The following ME1 variants were observed in gnomAD, a reference collection of about 807,000 sequenced individuals.
The protein encoded by ME1 is NADP-dependent malic enzyme.
A neutral mutation model predicts 66.4 loss-of-function variants in ME1; 74 were observed. The observed-to-expected ratio is 1.11, with a 90% CI of 0.92 to 1.35. The LOEUF (loss-of-function observed/expected upper bound fraction) is 1.35. Ranked by LOEUF, ME1 falls within the 40% of genes most tolerant of loss-of-function variation. The probability of loss-of-function intolerance (pLI) is 0.00; values close to 1 mark genes in which losing one functional copy is unlikely to be tolerated. For synonymous variants in ME1, 251 were observed against 235.6 expected, an observed-to-expected ratio of 1.07 and a Z score of -0.60; for missense variants, 750 against 694.1, an observed-to-expected ratio of 1.08 and a Z score of -0.90.
chr6:83,228,217 A>G (rs761623889), intron 10 of ME1, among the ~76,000 whole-genome samples: 1 of 152,210 alleles, frequency 6.6e-6, no homozygotes, highest in African/African-American at 2.4e-5. Context: ...TGCACTGCAC[A>G]TGCATTGTGT....
At chr6:83,397,546 A>G (rs1769759609) in intron 3 of ME1, among the ~76,000 whole-genome samples, 1 of 152,210 alleles carries the variant, frequency 6.6e-6, no homozygotes, top group Admixed American at 6.5e-5. Flanking sequence ...TAGTAAATCT[A>G]TTATGGAAAA....
chr6:83,387,545 C>T (rs1420898818), intron 3 of ME1, among the ~76,000 whole-genome samples: 1 of 151,854 alleles, frequency 6.6e-6, no homozygotes, highest in Non-Finnish European at 1.5e-5. Context: ...ATCTCCATTT[C>T]TAATCGTGGT....
chr6:83,373,373 C>A (rs1008610917), intron 3 of ME1, among the ~76,000 whole-genome samples: 1 of 151,994 alleles, frequency 6.6e-6, no homozygotes, highest in Admixed American at 6.6e-5. Context: ...GTAGCTGGGA[C>A]TACAGGTAGG....
intron 1 of ME1, among the ~76,000 whole-genome samples, chr6:83,428,846 T>C (rs6920839): frequency 0.043 from 6,495 of 152,284 alleles, 458 homozygotes; most frequent in African/African-American, 0.15. Flanking sequence ...GAAAATGTGC[T>C]TTTAACATAT....
chr6:83,237,849 A>C lies in ME1; in HGVS notation c.913-19T>G. On this transcript the variant is annotated intron_variant, in intron 8 of 13. Coordinates refer to ENST00000369705, the MANE Select transcript of ME1 (RefSeq NM_002395.6). ...GGGCAGCCTCAGTGATGAAAAGAAAAAATTTTAAAGTTGTTCTACATGATA... is the reference window on the plus strand; with the variant it reads ...GGGCAGCCTCAGTGATGAAAAGAAACAATTTTAAAGTTGTTCTACATGATA... The C allele has an allele frequency of 7.0e-7, 1 of 1,434,242 alleles. No individual in the cohort carries two copies. The highest frequency in any genetic ancestry group is 9.6e-7 in the Non-Finnish European group (1 of 1,040,950). 88.8% of individuals were successfully genotyped at this position (1,434,242 alleles called of 1,614,324 possible).
chr6:83,332,449 T>G (rs922321539), intron 5 of ME1, among the ~76,000 whole-genome samples: 7 of 152,204 alleles, frequency 4.6e-5, no homozygotes, highest in Non-Finnish European at 1.0e-4. Flanking sequence ...AAAAGACACC[T>G]GCACATGTAT....
intron 6 of ME1, among the ~76,000 whole-genome samples, chr6:83,298,701 T>C (rs1250480678): frequency 6.6e-6 from 1 of 152,040 alleles, no homozygotes; most frequent in Non-Finnish European, 1.5e-5. Flanking sequence ...AGCTTTGTGT[T>C]TTACATTTAA....
intron 3 of ME1, among the ~76,000 whole-genome samples, chr6:83,362,562 T>C (rs1204912565): frequency 1.3e-5 from 2 of 152,202 alleles, no homozygotes; most frequent in Non-Finnish European, 2.9e-5. Context: ...CTGACCTGGC[T>C]ATGGCCACTG....
chr6:83,230,991 T>C (rs1238242050), intron 9 of ME1, among the ~76,000 whole-genome samples: 4 of 152,126 alleles, frequency 2.6e-5, no homozygotes, highest in Non-Finnish European at 5.9e-5. Context: ...GTGTACTAAA[T>C]GATCTATCAT....
At position 83,398,455 on chromosome 6, in the gene ME1, A is replaced by G; in HGVS notation, c.274T>C (p.Ser92Pro). ...ATAGGCATGAATTTCTCAATGTCAG[A>G]TGTCAGCACTCTATAAAAGAGTTTT... ...NEKLFYRVLT[S>P]DIEKFMPIVY... Residue 92 changes from serine to proline, a missense_variant, in exon 3 of 14, where the codon TCT becomes CCT. By Grantham distance (74) the Ser-to-Pro change is moderately conservative. Transcript: ENST00000369705. The G allele has an allele frequency of 1.3e-6, 2 of 1,591,678 alleles. No homozygotes were observed. Among genetic ancestry groups the G allele is most frequent in the Middle Eastern group, 1.7e-4 (1 of 6,010 alleles).
At chr6:83,312,009 C>A (rs1161532487) in intron 6 of ME1, among the ~76,000 whole-genome samples, 1 of 152,124 alleles carries the variant, frequency 6.6e-6, no homozygotes, top group Non-Finnish European at 1.5e-5. Context: ...GCTCAGCTTC[C>A]GAACCTGAGT....
chr6:83,304,839 T>C (rs2128537355), intron 6 of ME1, among the ~76,000 whole-genome samples: 1 of 152,332 alleles, frequency 6.6e-6, no homozygotes, highest in East Asian at 1.9e-4. Flanking sequence ...ACAAATTTTG[T>C]TGTAGCTTTA....
In ME1 at chr6:83,311,737, T is replaced by C. The variant is rs143219961; in HGVS notation, c.704+3573A>G. Among the ~76,000 whole-genome samples the C allele has an allele frequency of 1.6e-3, 238 of 152,268 alleles. 3 individuals carry two copies. The highest frequency in any genetic ancestry group is 5.4e-3 in the African/African-American group (226 of 41,568). On this transcript the variant is annotated intron_variant, in intron 6 of 13. Coordinates refer to ENST00000369705, the MANE Select transcript of ME1 (RefSeq NM_002395.6). Reference sequence around the variant, plus strand: ...AAGGATGATATATAACCAGCCTGACTGATAGCAATAAGGATGCTAAGACCA... The same window carrying C: ...AAGGATGATATATAACCAGCCTGACCGATAGCAATAAGGATGCTAAGACCA...
At chr6:83,365,325 C>T (rs1310764140) in intron 3 of ME1, among the ~76,000 whole-genome samples, 1 of 152,132 alleles carries the variant, frequency 6.6e-6, no homozygotes, top group African/African-American at 2.4e-5. Flanking sequence ...AACTCCTGAG[C>T]TCAGGTGATC....
At chr6:83,410,043 G>A (rs1197680541) in intron 1 of ME1, among the ~76,000 whole-genome samples, 5 of 152,000 alleles carry the variant, frequency 3.3e-5, no homozygotes, top group Non-Finnish European at 5.9e-5. Context: ...GGAGACATCC[G>A]TGGTATCGCC....
At chr6:83,382,748 C>A (rs1028795910) in intron 3 of ME1, among the ~76,000 whole-genome samples, 4 of 151,982 alleles carry the variant, frequency 2.6e-5, no homozygotes, top group Non-Finnish European at 4.4e-5. Flanking sequence ...CTTCTCTGAG[C>A]AACTCAGAGT....
chr6:83,216,719 G>A, intron 12 of ME1, 123 bp from the exon 13 acceptor site: 1 of 588,852 alleles, frequency 1.7e-6, no homozygotes, highest in Non-Finnish European at 2.9e-6. Flanking sequence ...ACATTAATAT[G>A]ATTACCTAAT....
intron 9 of ME1, among the ~76,000 whole-genome samples, chr6:83,235,384 A>G (rs1406996259): frequency 1.3e-5 from 2 of 152,298 alleles, no homozygotes; most frequent in African/African-American, 4.8e-5. Flanking sequence ...TTATTCAATA[A>G]ACATTCTTAT....
intron 6 of ME1, among the ~76,000 whole-genome samples, chr6:83,287,307 T>C (rs1418829211): frequency 6.6e-6 from 1 of 152,052 alleles, no homozygotes; most frequent in Admixed American, 6.6e-5. Context: ...CTCCCCTAGC[T>C]CCACACCCAC....
Sources: gnomAD v4.1 joint callset for allele counts (sites outside exome capture counted in the v4.1 genomes callset) on GRCh38, gnomAD v4.1.1 for gene constraint, MANE v1.5 for transcripts, NCBI Gene and HGNC (gene_info 2026-07-23, HGNC 2026-07-21) for gene names.